The following PPARGC1A variants were observed in gnomAD, a reference collection of about 807,000 sequenced individuals.
The protein encoded by PPARGC1A is PPARG coactivator 1 alpha.
In PPARGC1A, 25 loss-of-function variants were observed where a neutral mutation model predicts 88.7. That is an observed-to-expected ratio of 0.28 (90% CI 0.21 to 0.39). The LOEUF is 0.39. PPARGC1A is among the 10% of genes least tolerant of loss of function. The pLI, the probability that PPARGC1A is intolerant of heterozygous loss-of-function variation, is 1.00. For missense variants in PPARGC1A, 880 were observed against 968.7 expected (o/e 0.91, Z 1.22); for synonymous variants, 363 against 355.6 (o/e 1.02, Z -0.24).
At chr4:24,465,386 G>A in the PPARGC1A span, among the ~76,000 whole-genome samples, 1 of 152,088 alleles carries the variant, frequency 6.6e-6, no homozygotes, top group East Asian at 1.9e-4. Context: ...ATATCAAAAA[G>A]GTGAATTTTT....
At chr4:24,039,141 T>A in the PPARGC1A span, among the ~76,000 whole-genome samples, 1 of 152,200 alleles carries the variant, frequency 6.6e-6, no homozygotes, top group East Asian at 1.9e-4. Context: ...TAACTGTGAA[T>A]CATCGACAAA....
the PPARGC1A span, among the ~76,000 whole-genome samples, chr4:24,265,778 C>T: frequency 3.3e-5 from 5 of 151,730 alleles, no homozygotes; most frequent in African/African-American, 9.7e-5. Flanking sequence ...TTGTTCCTCA[C>T]GTGCTTAGAA....
the PPARGC1A span, among the ~76,000 whole-genome samples, chr4:23,993,620 G>A: frequency 3.9e-5 from 6 of 152,082 alleles, no homozygotes; most frequent in Admixed American, 1.3e-4. Flanking sequence ...AAACTGAGGC[G>A]TGGAAAAGGT....
At chr4:24,288,840 G>T in the PPARGC1A span, among the ~76,000 whole-genome samples, 2 of 152,150 alleles carry the variant, frequency 1.3e-5, no homozygotes, top group Admixed American at 1.3e-4. Flanking sequence ...TTAGAGAGAC[G>T]ACTGCAAATA....
the PPARGC1A span, among the ~76,000 whole-genome samples, chr4:24,278,318 C>G: frequency 1.3e-5 from 2 of 152,088 alleles, no homozygotes; most frequent in Non-Finnish European, 2.9e-5. Flanking sequence ...TATAAGCACC[C>G]CATCTATACC....
At chr4:24,437,622 TTGTTG>T in the PPARGC1A span, among the ~76,000 whole-genome samples, 10 of 151,710 alleles carry the variant, frequency 6.6e-5, no homozygotes, top group African/African-American at 2.4e-4. Context: ...GTTGTTGTTG[TTGTTG>T]TTGTTGTTGT....
chr4:23,808,973 G>A (rs896055986), intron 10 of PPARGC1A, among the ~76,000 whole-genome samples: 8 of 151,604 alleles, frequency 5.3e-5, no homozygotes, highest in African/African-American at 1.9e-4. Context: ...TTGCCTTTTG[G>A]AGTCTCTGTT....
At chr4:24,122,436 T>TATATATAGAG in the PPARGC1A span, among the ~76,000 whole-genome samples, 16 of 124,244 alleles carry the variant, frequency 1.3e-4, no homozygotes, top group Admixed American at 1.3e-3. Context: ...TATATATATA[T>TATATATAGAG]AGAGAGAGAG....
the PPARGC1A span, among the ~76,000 whole-genome samples, chr4:24,345,394 T>C: frequency 1.3e-5 from 2 of 152,218 alleles, no homozygotes; most frequent in African/African-American, 4.8e-5. Flanking sequence ...TCCATGACCA[T>C]GGGATGTGTT....
the PPARGC1A span, among the ~76,000 whole-genome samples, chr4:24,420,413 C>T: frequency 2.0e-5 from 3 of 152,190 alleles, no homozygotes; most frequent in South Asian, 2.1e-4. Context: ...ATTTTTCCGG[C>T]GCGTTGAAGG....
the PPARGC1A span, among the ~76,000 whole-genome samples, chr4:24,192,109 T>C: frequency 2.6e-5 from 4 of 152,230 alleles, no homozygotes; most frequent in Admixed American, 2.0e-4. Flanking sequence ...TTCTTTCTTT[T>C]ATACTCCTCT....
chr4:23,921,052 A>ACCC, the PPARGC1A span, among the ~76,000 whole-genome samples: 1 of 148,394 alleles, frequency 6.7e-6, no homozygotes, highest in Non-Finnish European at 1.5e-5. Flanking sequence ...GCCACCCCCC[A>ACCC]CCCACTCCTA....
At chr4:23,884,643 T>A in intron 2 of PPARGC1A, 109 bp downstream of exon 2, 1 of 927,688 alleles carries the variant, frequency 1.1e-6, no homozygotes, top group East Asian at 2.8e-5. Flanking sequence ...TGAAAAGTCT[T>A]TTGATGATAG....
the PPARGC1A span, among the ~76,000 whole-genome samples, chr4:24,145,384 T>C: frequency 3.9e-5 from 6 of 152,204 alleles, no homozygotes; most frequent in Non-Finnish European, 7.3e-5. Flanking sequence ...CAACAGATAA[T>C]AGTTGATAAC....
the PPARGC1A span, among the ~76,000 whole-genome samples, chr4:24,259,504 T>C: frequency 6.6e-6 from 1 of 152,114 alleles, no homozygotes; most frequent in South Asian, 2.1e-4. Flanking sequence ...ACCACATATA[T>C]GAGGTGGTCC....
chr4:24,329,055 A>C, the PPARGC1A span, among the ~76,000 whole-genome samples: 1 of 152,156 alleles, frequency 6.6e-6, no homozygotes, highest in African/African-American at 2.4e-5. Context: ...GTTGGGGAGC[A>C]ATCTAGAGAT....
At chr4:24,083,926 A>G in the PPARGC1A span, among the ~76,000 whole-genome samples, 2 of 152,178 alleles carry the variant, frequency 1.3e-5, no homozygotes, top group Non-Finnish European at 2.9e-5. Context: ...CACTCGTCCA[A>G]GTGCATTGTG....
At chr4:24,286,882 G>A in the PPARGC1A span, among the ~76,000 whole-genome samples, 4 of 152,058 alleles carry the variant, frequency 2.6e-5, no homozygotes, top group African/African-American at 9.7e-5. Flanking sequence ...TTGAGCTGGG[G>A]CAGGATCTAC....
At chr4:24,061,056 G>GA in the PPARGC1A span, among the ~76,000 whole-genome samples, 2 of 151,786 alleles carry the variant, frequency 1.3e-5, no homozygotes, top group South Asian at 4.2e-4. Context: ...ATTTGTTCTG[G>GA]AAAAAAAAAG....
Sources: allele counts gnomAD v4.1 joint callset (sites outside exome capture counted in the v4.1 genomes callset), GRCh38; gene constraint gnomAD v4.1.1; transcripts MANE v1.5; gene names NCBI Gene and HGNC (gene_info 2026-07-23, HGNC 2026-07-21).